Variants in FLNB observed in about 807,000 individuals in gnomAD.
FLNB encodes the protein filamin B, also known as filamin-B.
FLNB carries 111 observed loss-of-function variants against 250.6 expected under a neutral mutation model. The ratio of observed to expected loss-of-function variants is 0.44; its 90% CI spans 0.38 to 0.52. The LOEUF (loss-of-function observed/expected upper bound fraction) is 0.52. FLNB is among the 20% of genes least tolerant of loss of function. The pLI, the probability that FLNB is intolerant of heterozygous loss-of-function variation, is 0.00. For missense variants in FLNB, 2,869 were observed against 3,447.8 expected (o/e 0.83, Z 4.20); for synonymous variants, 1,302 against 1,372.1 (o/e 0.95, Z 1.13).
intron 42 of FLNB, 185 bp from the exon 43 acceptor site, chr3:58,162,969 G>A: frequency 1.5e-6 from 1 of 656,862 alleles, no homozygotes; most frequent in Non-Finnish European, 2.8e-6. Flanking sequence ...GTTTCCCTTG[G>A]GGCTGATGAG....
At chr3:58,106,534 G>T in intron 11 of FLNB, 146 bp from the exon 12 acceptor site, 1 of 713,956 alleles carries the variant, frequency 1.4e-6, no homozygotes. Context: ...TAATGAGCTT[G>T]GTTTTGGAAG....
intron 13 of FLNB, 32 bp from the exon 14 acceptor site, chr3:58,109,147 C>T (rs1206186326): frequency 4.3e-6 from 7 of 1,613,968 alleles, no homozygotes; most frequent in Non-Finnish European, 5.9e-6. Context: ...GTGTGAGGGC[C>T]ACCTCTGGTC....
At chr3:58,052,872 C>T (rs1435741708) in intron 1 of FLNB, among the ~76,000 whole-genome samples, 2 of 152,212 alleles carry the variant, frequency 1.3e-5, no homozygotes, top group Non-Finnish European at 2.9e-5. Context: ...ACCCCATGGT[C>T]ACCCTCGCAT....
chr3:58,028,760 T>G (rs71311833), intron 1 of FLNB, among the ~76,000 whole-genome samples: 1 of 149,710 alleles, frequency 6.7e-6, no homozygotes, highest in East Asian at 2.1e-4. Flanking sequence ...ATTACAGGCA[T>G]GTACCACCAC....
intron 44 of FLNB, 164 bp downstream of exon 44, chr3:58,168,822 AC>A (rs923297404): frequency 3.8e-5 from 26 of 679,876 alleles, no homozygotes; most frequent in African/African-American, 2.8e-4. Flanking sequence ...TTTGAAACTT[AC>A]AAAAGTCCAC....
intron 22 of FLNB, among the ~76,000 whole-genome samples, chr3:58,124,902 C>T (rs538349827): frequency 6.6e-6 from 1 of 152,052 alleles, no homozygotes; most frequent in Non-Finnish European, 1.5e-5. Context: ...CGGAAGCCTG[C>T]GATATTCTGA....
intron 3 of FLNB, among the ~76,000 whole-genome samples, chr3:58,080,825 C>T (rs1371648785): frequency 7.0e-6 from 1 of 142,600 alleles, no homozygotes; most frequent in African/African-American, 2.6e-5. Flanking sequence ...GCGTCTTACT[C>T]CTCTGTTACC....
At chr3:58,128,711 G>T (rs2097301776) in intron 24 of FLNB, among the ~76,000 whole-genome samples, 1 of 152,172 alleles carries the variant, frequency 6.6e-6, no homozygotes, top group East Asian at 1.9e-4. Context: ...GAAACTTTTT[G>T]ACTATGGGGA....
At chr3:58,032,281 A>G (rs564818849) in intron 1 of FLNB, among the ~76,000 whole-genome samples, 2 of 152,238 alleles carry the variant, frequency 1.3e-5, no homozygotes, top group South Asian at 4.2e-4. Flanking sequence ...TAAGAAAAGA[A>G]AACAGACCAT....
At chr3:58,124,146 T>C (rs757437277) in intron 21 of FLNB, among the ~76,000 whole-genome samples, 186 bp from the exon 22 acceptor site, 18 of 152,226 alleles carry the variant, frequency 1.2e-4, no homozygotes, top group Non-Finnish European at 2.1e-4. Flanking sequence ...TAGCCGTGGC[T>C]ACTCTAGAAA....
chr3:58,112,054 T>G, intron 17 of FLNB, 95 bp from the exon 18 acceptor site: 1 of 1,312,738 alleles, frequency 7.6e-7, no homozygotes. Flanking sequence ...CTGGCTGTCA[T>G]AATAGACCTG....
chr3:58,170,693 T>G lies in FLNB; in HGVS notation c.7740T>G (p.Asp2580Glu). The change falls in exon 46 of 46, where the codon GAT becomes GAG. Residue 2580 changes from aspartate (D) to glutamate (E), a missense_variant. Asp to Glu is a conservative substitution (Grantham distance 45). This residue lies in a region of FLNB where 1,084 missense variants were observed against 1,315.5 expected (regional missense o/e 0.82). Transcript: ENST00000295956. ...CATACGTCGTCAAGGAGAGGGGCGA[T>G]TATGTGCTGGCTGTGAAGTGGGGGG... is the stretch of plus-strand genomic sequence containing the variant. ...NVTYVVKERG[D>E]YVLAVKWGEE... is the part of the protein sequence containing the mutation. The G allele has an allele frequency of 1.9e-6, 3 of 1,614,138 alleles. No individual in the cohort carries two copies. The highest frequency in any genetic ancestry group is 2.5e-6 in the Non-Finnish European group (3 of 1,180,032).
intron 1 of FLNB, among the ~76,000 whole-genome samples, chr3:58,074,622 G>T (rs1376774208): frequency 6.6e-6 from 1 of 152,206 alleles, no homozygotes; most frequent in African/African-American, 2.4e-5. Flanking sequence ...CGGTGAATTT[G>T]TATCTGTTTC....
rs1416248807 is a variant in FLNB at position 58,155,996 on chromosome 3, A to G, written c.6809A>G (p.His2270Arg). 5 of 1,614,124 alleles carry G rather than the reference A, an allele frequency of 3.1e-6. No individual in the cohort carries two copies. The Admixed American group carries it at 5.0e-5, about 16-fold the overall frequency. The change falls in exon 41 of 46, where the codon CAC (histidine) becomes CGC (arginine). Residue 2270 changes from histidine (H) to arginine (R), a missense_variant. Physicochemically the swap from His to Arg is conservative, Grantham distance 29. Coordinates refer to ENST00000295956, the MANE Select transcript of FLNB (RefSeq NM_001457.4). ...YEVSIKFNDE[H>R]IPESPYLVPV... is the part of the protein sequence containing the mutation. ...GTGTCCATCAAGTTCAATGATGAGC[A>G]CATCCCGGAAAGCCCCTACCTGGTG...
At chr3:58,093,809 A>G (rs1000678979) in intron 4 of FLNB, among the ~76,000 whole-genome samples, 1 of 152,182 alleles carries the variant, frequency 6.6e-6, no homozygotes, top group Admixed American at 6.5e-5. Flanking sequence ...AAAACCATTG[A>G]CAGAAGCAAC....
At chr3:58,166,153 G>A (rs1253451289) in intron 43 of FLNB, 1 of 152,138 alleles carries the variant, frequency 6.6e-6, no homozygotes, top group African/African-American at 2.4e-5. Flanking sequence ...CACCTAATAG[G>A]CTTGTTTGGA....
chr3:58,154,699 C>A, intron 39 of FLNB, 92 bp from the exon 40 acceptor site: 2 of 1,385,278 alleles, frequency 1.4e-6, no homozygotes, highest in Non-Finnish European at 1.0e-6. Context: ...TAGCAACAGA[C>A]GAAACCTAGC....
At chr3:58,100,594 TTTTTTTG>T (rs1315903409) in intron 8 of FLNB, among the ~76,000 whole-genome samples, 59 of 138,200 alleles carry the variant, frequency 4.3e-4, no homozygotes, top group Non-Finnish European at 7.2e-4. Context: ...TTTTTCTTTT[TTTTTTTG>T]TTTTGTTTTG....
At chr3:58,115,642 G>A (rs901943470) in intron 18 of FLNB, among the ~76,000 whole-genome samples, 1 of 152,192 alleles carries the variant, frequency 6.6e-6, no homozygotes, top group Non-Finnish European at 1.5e-5. Context: ...TCTGATAGCA[G>A]CAGGTTTGAG....
Sources: gnomAD v4.1 joint callset for allele counts (sites outside exome capture counted in the v4.1 genomes callset) on GRCh38, gnomAD v4.1.1 for gene constraint, gnomAD v4.1.1 regional missense constraint, MANE v1.5 for transcripts, NCBI Gene and HGNC (gene_info 2026-07-23, HGNC 2026-07-21) for gene names.